The following SGK3 variants were observed in gnomAD, a reference collection of about 807,000 sequenced individuals.
SGK3 encodes serine/threonine-protein kinase Sgk3.
SGK3 carries 47 observed loss-of-function variants against 68.5 expected under a neutral mutation model. The observed-to-expected ratio is 0.69, with a 90% CI of 0.54 to 0.87. SGK3 has a LOEUF of 0.87. SGK3 is among the 40% of genes least tolerant of loss of function. The pLI is 0.00. For synonymous variants in SGK3, 181 were observed against 189.1 expected, an observed-to-expected ratio of 0.96 and a Z score of 0.35; for missense variants, 479 against 575.5, an observed-to-expected ratio of 0.83 and a Z score of 1.72.
chr8:66,757,354 G>A (rs973943491), intron 1 of SGK3, among the ~76,000 whole-genome samples: 1 of 151,724 alleles, frequency 6.6e-6, no homozygotes, highest in South Asian at 2.1e-4. Context: ...ACCCAAGCTG[G>A]TCTCGAACTC....
At chr8:66,759,080 CTT>C (rs752312636) in intron 1 of SGK3, among the ~76,000 whole-genome samples, 19 of 140,378 alleles carry the variant, frequency 1.4e-4, no homozygotes, top group Non-Finnish European at 1.9e-4. Flanking sequence ...TTCTTTTCTT[CTT>C]TTTTTTTTTT....
At chr8:66,807,967 T>TGGTGTG in intron 4 of SGK3, among the ~76,000 whole-genome samples, 1 of 152,218 alleles carries the variant, frequency 6.6e-6, no homozygotes. Flanking sequence ...ATCTCCAGAA[T>TGGTGTG]ATACCATTAA....
intron 10 of SGK3, 63 bp downstream of exon 10, chr8:66,836,137 T>C: frequency 6.4e-7 from 1 of 1,555,826 alleles, no homozygotes; most frequent in Non-Finnish European, 8.6e-7. Context: ...AGTCAAAGTT[T>C]TTCTTGTAAG....
intron 1 of SGK3, among the ~76,000 whole-genome samples, chr8:66,721,793 T>C (rs1804801059): frequency 6.6e-6 from 1 of 152,208 alleles, no homozygotes; most frequent in Non-Finnish European, 1.5e-5. Flanking sequence ...GTTTTGGTCT[T>C]GAAAGCTAAC....
intron 1 of SGK3, among the ~76,000 whole-genome samples, chr8:66,790,152 A>G (rs1807382310): frequency 6.6e-6 from 1 of 152,002 alleles, no homozygotes; most frequent in Non-Finnish European, 1.5e-5. Flanking sequence ...ATATATTCCT[A>G]TATGTGCTCT....
chr8:66,745,499 G>A (rs765455150), intron 1 of SGK3, among the ~76,000 whole-genome samples: 2 of 152,200 alleles, frequency 1.3e-5, no homozygotes, highest in African/African-American at 2.4e-5. Context: ...GCATGAACCC[G>A]GGAGGAGGAG....
intron 16 of SGK3, among the ~76,000 whole-genome samples, chr8:66,851,365 A>G (rs916722044): frequency 3.9e-5 from 6 of 151,976 alleles, no homozygotes; most frequent in Non-Finnish European, 7.4e-5. Flanking sequence ...AATACAAAAA[A>G]AAATTATCCG....
intron 16 of SGK3, among the ~76,000 whole-genome samples, chr8:66,857,479 T>G (rs1810560031): frequency 6.6e-6 from 1 of 152,030 alleles, no homozygotes; most frequent in Non-Finnish European, 1.5e-5. Context: ...GTATCCCAGT[T>G]TTTATCTATA....
chr8:66,790,465 G>A (rs541422802), intron 1 of SGK3, among the ~76,000 whole-genome samples: 23 of 152,332 alleles, frequency 1.5e-4, no homozygotes, highest in Non-Finnish European at 2.9e-4. Flanking sequence ...GCCTACCCAA[G>A]TACCTACATG....
At chr8:66,779,572 AT>A (rs1177621540) in intron 1 of SGK3, among the ~76,000 whole-genome samples, 1 of 108,378 alleles carries the variant, frequency 9.2e-6, no homozygotes, top group African/African-American at 3.5e-5. Flanking sequence ...ATATATATAT[AT>A]ATATATATAT....
chr8:66,796,319 G>GCAT (rs1807684358), intron 2 of SGK3, among the ~76,000 whole-genome samples: 1 of 14,416 alleles, frequency 6.9e-5, no homozygotes, highest in Non-Finnish European at 1.6e-4. Flanking sequence ...TGTATTTTTT[G>GCAT]TATTTTTTTT....
chr8:66,787,474 G>A (rs1002918332), intron 1 of SGK3, among the ~76,000 whole-genome samples: 3 of 152,204 alleles, frequency 2.0e-5, no homozygotes, highest in African/African-American at 7.2e-5. Flanking sequence ...TCCCCCCTGT[G>A]GGATGGTGGG....
At chr8:66,798,217 A>C (rs1217353736) in intron 2 of SGK3, among the ~76,000 whole-genome samples, 1 of 152,064 alleles carries the variant, frequency 6.6e-6, no homozygotes, top group Non-Finnish European at 1.5e-5. Flanking sequence ...TATGTTGCCC[A>C]GGCTGGTCTC....
intron 1 of SGK3, among the ~76,000 whole-genome samples, chr8:66,769,381 G>A (rs969943305): frequency 1.3e-5 from 2 of 152,094 alleles, no homozygotes; most frequent in African/African-American, 4.8e-5. Flanking sequence ...GCGCCACCAT[G>A]CCCAGCTAAT....
intron 6 of SGK3, among the ~76,000 whole-genome samples, chr8:66,824,072 T>G (rs1808957072): frequency 6.6e-6 from 1 of 152,134 alleles, no homozygotes; most frequent in African/African-American, 2.4e-5. Context: ...GACATATTCC[T>G]TTTTTGTGAC....
chr8:66,844,236 A>G (rs1349106022), intron 14 of SGK3, among the ~76,000 whole-genome samples: 2 of 152,188 alleles, frequency 1.3e-5, no homozygotes, highest in African/African-American at 4.8e-5. Context: ...AAATTACTGT[A>G]TTTCAGAAGA....
At chr8:66,854,812 T>C (rs927396782) in intron 16 of SGK3, among the ~76,000 whole-genome samples, 7 of 152,174 alleles carry the variant, frequency 4.6e-5, no homozygotes, top group Non-Finnish European at 1.0e-4. Flanking sequence ...TGTTAGGTCC[T>C]TGATATGCAT....
intron 1 of SGK3, among the ~76,000 whole-genome samples, chr8:66,721,452 A>C (rs938451967): frequency 2.6e-5 from 4 of 152,194 alleles, no homozygotes; most frequent in African/African-American, 9.7e-5. Flanking sequence ...AATGGATACT[A>C]ATCATGGTAA....
At chr8:66,752,115 A>G (rs183346490) in intron 1 of SGK3, among the ~76,000 whole-genome samples, 6 of 152,292 alleles carry the variant, frequency 3.9e-5, no homozygotes, top group Admixed American at 2.6e-4. Context: ...AATGTGACCA[A>G]TAGATTTTGG....
Sources: gnomAD v4.1 joint callset for allele counts (sites outside exome capture counted in the v4.1 genomes callset) on GRCh38, gnomAD v4.1.1 for gene constraint, MANE v1.5 for transcripts, NCBI Gene and HGNC (gene_info 2026-07-23, HGNC 2026-07-21) for gene names.